The following SKAP1 variants were observed in gnomAD, a reference collection of about 807,000 sequenced individuals.
SKAP1 encodes the protein src kinase-associated phosphoprotein 1.
In SKAP1, 44 loss-of-function variants were observed where a neutral mutation model predicts 58.5. That is an observed-to-expected ratio of 0.75 (90% CI 0.59 to 0.97). SKAP1 has a LOEUF of 0.97. Among genes scored for constraint, SKAP1 ranks in the 50% least tolerant of loss-of-function variants. SKAP1 has a pLI of 0.00. For missense variants in SKAP1, 390 were observed against 435.2 expected (o/e 0.90, Z 0.92); for synonymous variants, 127 against 149.7 (o/e 0.85, Z 1.11).
intron 4 of SKAP1, among the ~76,000 whole-genome samples, chr17:48,267,908 T>C (rs983596163): frequency 6.6e-6 from 1 of 152,194 alleles, no homozygotes; most frequent in African/African-American, 2.4e-5. Context: ...AGGTTGCTTA[T>C]AGGTACCTTT....
chr17:48,141,373 GGTTTTT>G (rs3049680), intron 11 of SKAP1, among the ~76,000 whole-genome samples: 53 of 148,762 alleles, frequency 3.6e-4, no homozygotes, highest in African/African-American at 8.2e-4. Flanking sequence ...CTTGTTAACT[GGTTTTT>G]GTTTTTGTTT....
chr17:48,427,177 C>G (rs1028361329), intron 1 of SKAP1, among the ~76,000 whole-genome samples: 1 of 152,184 alleles, frequency 6.6e-6, no homozygotes, highest in African/African-American at 2.4e-5. Context: ...TAGGCTTACA[C>G]AAATATTTAT....
intron 4 of SKAP1, among the ~76,000 whole-genome samples, chr17:48,222,445 C>G (rs1598440456): frequency 6.6e-6 from 1 of 152,042 alleles, no homozygotes; most frequent in Non-Finnish European, 1.5e-5. Flanking sequence ...GAAAAATGTA[C>G]ATAGCTAAAA....
chr17:48,231,432 G>GAAAGCA (rs1274169122), intron 4 of SKAP1, among the ~76,000 whole-genome samples: 1 of 151,960 alleles, frequency 6.6e-6, no homozygotes, highest in East Asian at 1.9e-4. Flanking sequence ...TGCTTTTGCA[G>GAAAGCA]AAAGCAAAAG....
chr17:48,218,864 AT>A (rs1401811466), intron 4 of SKAP1, among the ~76,000 whole-genome samples: 1 of 151,912 alleles, frequency 6.6e-6, no homozygotes, highest in Non-Finnish European at 1.5e-5. Flanking sequence ...ATAATTCAAT[AT>A]TTTGGGGGTT....
At chr17:48,391,039 C>T (rs1167980199) in intron 2 of SKAP1, among the ~76,000 whole-genome samples, 2 of 152,094 alleles carry the variant, frequency 1.3e-5, no homozygotes, top group Non-Finnish European at 2.9e-5. Flanking sequence ...CACTGCACTC[C>T]AGTCTGGGTG....
intron 12 of SKAP1, among the ~76,000 whole-genome samples, chr17:48,135,664 T>C (rs2144559603): frequency 6.6e-6 from 1 of 152,208 alleles, no homozygotes; most frequent in South Asian, 2.1e-4. Context: ...AAAAATTTTG[T>C]AGAGACCTTC....
intron 4 of SKAP1, among the ~76,000 whole-genome samples, chr17:48,313,186 G>T (rs539219001): frequency 6.6e-6 from 1 of 152,044 alleles, no homozygotes; most frequent in Non-Finnish European, 1.5e-5. Flanking sequence ...AACAGGAACC[G>T]AACCTTGAAC....
At chr17:48,406,107 A>C (rs1385688159) in intron 1 of SKAP1, among the ~76,000 whole-genome samples, 1 of 151,826 alleles carries the variant, frequency 6.6e-6, no homozygotes, top group African/African-American at 2.4e-5. Flanking sequence ...TCTACTAAAA[A>C]TACAAAAATT....
At chr17:48,209,906 T>G (rs1035179355) in intron 4 of SKAP1, among the ~76,000 whole-genome samples, 4 of 152,262 alleles carry the variant, frequency 2.6e-5, no homozygotes, top group African/African-American at 9.6e-5. Flanking sequence ...AACTGACTTC[T>G]GTAATTCCTG....
At chr17:48,336,584 G>C (rs2066573395) in intron 4 of SKAP1, among the ~76,000 whole-genome samples, 1 of 152,138 alleles carries the variant, frequency 6.6e-6, no homozygotes, top group Non-Finnish European at 1.5e-5. Flanking sequence ...GCAATGGCCT[G>C]AAACTAAGGA....
intron 4 of SKAP1, among the ~76,000 whole-genome samples, chr17:48,322,824 G>A (rs1199967811): frequency 1.3e-5 from 2 of 152,234 alleles, no homozygotes; most frequent in East Asian, 1.9e-4. Context: ...GGCTGGGCGT[G>A]GCGGCTCACG....
chr17:48,261,782 C>T (rs2065487867), intron 4 of SKAP1, among the ~76,000 whole-genome samples: 1 of 152,136 alleles, frequency 6.6e-6, no homozygotes, highest in African/African-American at 2.4e-5. Flanking sequence ...TATTCCTTGC[C>T]CCCTTATGGC....
intron 2 of SKAP1, among the ~76,000 whole-genome samples, chr17:48,378,270 T>C (rs1254727476): frequency 6.6e-6 from 1 of 152,112 alleles, no homozygotes; most frequent in African/African-American, 2.4e-5. Flanking sequence ...AAGAGCAAAG[T>C]CTTTGCAGAC....
intron 11 of SKAP1, among the ~76,000 whole-genome samples, chr17:48,161,960 A>ATTATTTAT (rs771047550): frequency 2.6e-5 from 4 of 151,660 alleles, no homozygotes; most frequent in Non-Finnish European, 4.4e-5. Flanking sequence ...TATTATTTTT[A>ATTATTTAT]TTATTTATTT....
intron 4 of SKAP1, among the ~76,000 whole-genome samples, chr17:48,207,607 TA>T: frequency 6.6e-6 from 1 of 152,306 alleles, no homozygotes; most frequent in East Asian, 1.9e-4. Context: ...ACAATTCTAA[TA>T]TTGTACTTTA....
intron 4 of SKAP1, among the ~76,000 whole-genome samples, chr17:48,224,038 A>AAGG (rs1283982367): frequency 0.024 from 1,270 of 52,312 alleles, 50 homozygotes; most frequent in African/African-American, 0.043. Context: ...GAGAGAGAAG[A>AAGG]AGGAGGAGGA....
chr17:48,302,664 A>T (rs1160912233), intron 4 of SKAP1, among the ~76,000 whole-genome samples: 1 of 152,226 alleles, frequency 6.6e-6, no homozygotes, highest in African/African-American at 2.4e-5. Context: ...TACTTGTAGC[A>T]TTCCTTTAGA....
At chr17:48,260,707 A>G (rs961473165) in intron 4 of SKAP1, among the ~76,000 whole-genome samples, 8 of 152,190 alleles carry the variant, frequency 5.3e-5, no homozygotes, top group African/African-American at 1.9e-4. Flanking sequence ...AGTTAATGAC[A>G]TTATTTATAT....
Sources: allele counts gnomAD v4.1 joint callset (sites outside exome capture counted in the v4.1 genomes callset), GRCh38; gene constraint gnomAD v4.1.1; transcripts MANE v1.5; gene names NCBI Gene and HGNC (gene_info 2026-07-23, HGNC 2026-07-21).